Variants in HCRT observed in about 807,000 individuals in gnomAD.
The protein encoded by HCRT is hypocretin neuropeptide precursor, also known as hypocretin (orexin) neuropeptide.
Under a neutral mutation model 5.7 loss-of-function variants are expected in HCRT, and 5 were observed. The observed-to-expected ratio is 0.87, with a 90% CI of 0.45 to 1.83. The LOEUF (loss-of-function observed/expected upper bound fraction) is 1.83. Among genes scored for constraint, HCRT ranks in the 40% most tolerant of loss-of-function variants. The pLI, the probability that HCRT is intolerant of heterozygous loss-of-function variation, is 0.02. For synonymous variants in HCRT, 114 were observed against 99.0 expected, an observed-to-expected ratio of 1.15 and a Z score of -0.90; for missense variants, 207 against 191.8, an observed-to-expected ratio of 1.08 and a Z score of -0.47.
In HCRT at chr17:42,184,554, G is replaced by A. The variant is rs993387604; in HGVS notation, c.22-26C>T. On this transcript the variant is annotated intron_variant, in intron 1 of 1. Transcript: ENST00000293330. ...CTAGGGAGACGGAGACAGGGCGCTG[G>A]GGGGGTCTTCCCACGGCGCCCGCCA... 4.7e-6 allele frequency: 7 copies of A among 1,497,810 alleles called. No individual in the cohort carries two copies. The African/African-American group carries it at 1.0e-4, about 21-fold the overall frequency. 92.8% of individuals were successfully genotyped at this position (1,497,810 alleles called of 1,614,324 possible).
In HCRT at chr17:42,184,271, G is replaced by A. The variant is rs1448945578; in HGVS notation, c.279C>T (p.Gly93=). 2 of 1,430,014 alleles carry A rather than the reference G, an allele frequency of 1.4e-6. No homozygotes were observed. The highest frequency in any genetic ancestry group is 2.9e-5 in the East Asian group (1 of 33,976). The allele number at this position is 1,430,014 out of a possible 1,614,324, so 88.6% of individuals were successfully genotyped here. A position where few individuals can be genotyped will look rare whatever the true frequency, so the allele number is the denominator to read the frequency against. ...CTGCGCGGCGGCCCATGGTCAGGAT[G>A]CCCGCGGCGTGGTTGCCGCTGGCCT... is the stretch of plus-strand genomic sequence containing the variant. ...LLQASGNHAA[G]ILTMGRRAGA... is the part of the protein sequence containing the mutation. The change falls in exon 2 of 2, where the codon GGC becomes GGT. Residue 93 remains glycine, a synonymous_variant. Transcript: ENST00000293330.
rs574542591 is a variant in HCRT at position 42,184,516 on chromosome 17, C to A, written c.34G>T (p.Ala12Ser). 229 of 1,550,356 alleles carry A rather than the reference C, an allele frequency of 1.5e-4. 1 individual carries two copies. The South Asian group carries it at 2.6e-3, about 18-fold the overall frequency. ...NLPSTKVSWA[A>S]VTLLLLLLLL... Reference sequence around the variant, plus strand: ...AGCAGCAGCAGCAGTAGCGTCACGGCGGCCCAGGAGACCTAGGGAGACGGA... The same window carrying A: ...AGCAGCAGCAGCAGTAGCGTCACGGAGGCCCAGGAGACCTAGGGAGACGGA... The change falls in exon 2 of 2, where the codon GCC (alanine) becomes TCC (serine). Residue 12 changes from alanine (A) to serine (S), a missense_variant. Physicochemically the swap from Ala to Ser is moderately conservative, Grantham distance 99 (BLOSUM62 1). Coordinates refer to ENST00000293330, the MANE Select transcript of HCRT (RefSeq NM_001524.1).
chr17:42,184,198 G>C lies in HCRT; in HGVS notation c.352C>G (p.Pro118Ala). 7.8e-7 allele frequency: 1 copy of C among 1,288,518 alleles called. No homozygotes were observed. The highest frequency in any genetic ancestry group is 9.8e-7 in the Non-Finnish European group (1 of 1,020,066). The allele number at this position is 1,288,518 out of a possible 1,614,324, so 79.8% of individuals were successfully genotyped here. Residue 118 changes from proline (P) to alanine (A), a missense_variant, in exon 2 of 2, where the codon CCG (proline) becomes GCG (alanine). Physicochemically the swap from Pro to Ala is conservative, Grantham distance 27. Transcript: ENST00000293330. ...RPCLGRRCSA[P>A]AAASVAPGGQ... Reference sequence around the variant, plus strand: ...CCGGGCGCGACGGAGGCGGCGGCCGGGGCGGAACAGCGGCGCCCGAGGCAG... The same window carrying C: ...CCGGGCGCGACGGAGGCGGCGGCCGCGGCGGAACAGCGGCGCCCGAGGCAG...
chr17:42,185,312 T>C lies in HCRT; in HGVS notation c.21+33A>G, dbSNP rs933355220. Reference sequence around the variant, plus strand: ...AAGCACTCTTTTTGCTTCTCTGGGATGGTGAGTCACCCCTCCATCCCTGGA... The same window carrying C: ...AAGCACTCTTTTTGCTTCTCTGGGACGGTGAGTCACCCCTCCATCCCTGGA... On this transcript the variant is annotated intron_variant, in intron 1 of 1. Coordinates refer to ENST00000293330, the MANE Select transcript of HCRT (RefSeq NM_001524.1). The C allele has an allele frequency of 3.7e-6, 6 of 1,607,440 alleles. No individual in the cohort carries two copies. The African/African-American group carries it at 5.4e-5, about 14-fold the overall frequency.
At chr17:42,185,272 T>A in intron 1 of HCRT, 73 bp downstream of exon 1, 1 of 1,463,696 alleles carries the variant, frequency 6.8e-7, no homozygotes, top group Non-Finnish European at 9.6e-7. Context: ...TGGCCTTTCT[T>A]CCAGCCCTCT....
rs775918962 is a variant in HCRT at position 42,184,213 on chromosome 17, G to T, written c.337C>A (p.Arg113Ser). 10 of 1,303,114 alleles carry T rather than the reference G, an allele frequency of 7.7e-6. No individual in the cohort carries two copies. The highest frequency in any genetic ancestry group is 9.7e-6 in the Non-Finnish European group (10 of 1,029,136). The allele number at this position is 1,303,114 out of a possible 1,614,324, so 80.7% of individuals were successfully genotyped here. ...GCGGCGGCCGGGGCGGAACAGCGGC[G>T]CCCGAGGCAGGGGCGCGGCGCTGGC... Reference protein sequence around the residue: ...AEPAPRPCLGRRCSAPAAASV... With the variant: ...AEPAPRPCLGSRCSAPAAASV... Residue 113 changes from arginine to serine, a missense_variant, in exon 2 of 2, where the codon CGC (arginine) becomes AGC (serine). Arg to Ser is a moderately radical substitution (Grantham distance 110). Coordinates refer to ENST00000293330, the MANE Select transcript of HCRT (RefSeq NM_001524.1).
chr17:42,184,297 G>C lies in HCRT; in HGVS notation c.253C>G (p.Gln85Glu), dbSNP rs1333099442. 6.6e-7 allele frequency: 1 copy of C among 1,510,046 alleles called. No individual in the cohort carries two copies. The highest frequency in any genetic ancestry group is 2.1e-5 in the Admixed American group (1 of 48,766). The allele number at this position is 1,510,046 out of a possible 1,614,324, so 93.5% of individuals were successfully genotyped here. The change falls in exon 2 of 2, where the codon CAG (glutamine) becomes GAG (glutamate). Residue 85 changes from glutamine to glutamate, a missense_variant. By Grantham distance (29) the Gln-to-Glu change is conservative. Transcript: ENST00000293330. ...GLQGRLQRLL[Q>E]ASGNHAAGIL... The stretch of plus-strand genomic sequence containing the variant: ...CCCGCGGCGTGGTTGCCGCTGGCCT[G>C]CAGGAGGCGCTGCAGCCGACCCTGG...
At position 42,184,177 on chromosome 17, in the gene HCRT, G is replaced by A; in HGVS notation, c.373C>T (p.Pro125Ser). Residue 125 changes from proline to serine, a missense_variant, in exon 2 of 2, where the codon CCC becomes TCC. Transcript: ENST00000293330. ...CSAPAAASVA[P>S]GGQSGI The stretch of plus-strand genomic sequence containing the variant: ...ACTCAGATCCCGGACTGTCCTCCGG[G>A]CGCGACGGAGGCGGCGGCCGGGGCG... The A allele has an allele frequency of 7.8e-7, 1 of 1,284,834 alleles. No individual in the cohort carries two copies. The highest frequency in any genetic ancestry group is 1.5e-5 in the African/African-American group (1 of 64,566). 79.6% of individuals were successfully genotyped at this position (1,284,834 alleles called of 1,614,324 possible).
Position 42,185,377 on chromosome 17 carries a change from C to T in HCRT, c.-12G>A. The T allele has an allele frequency of 1.9e-6, 3 of 1,614,006 alleles. No homozygotes were observed. Among genetic ancestry groups the T allele is most frequent in the Non-Finnish European group, 2.5e-6 (3 of 1,179,882 alleles). ...GAAGGAAGGTTCATGGTGTCTGGCG[C>T]TCAGGGTGGGGTAGCCGGGAAAGGA... On this transcript the variant is annotated 5_prime_UTR_variant, in exon 1 of 2. Coordinates refer to ENST00000293330, the MANE Select transcript of HCRT (RefSeq NM_001524.1).
intron 1 of HCRT, 127 bp from the exon 2 acceptor site, chr17:42,184,655 T>C: frequency 1.5e-6 from 2 of 1,344,050 alleles, no homozygotes; most frequent in South Asian, 3.2e-5. Flanking sequence ...GGCTGTCACT[T>C]AGTTCTCCTT....
intron 1 of HCRT, among the ~76,000 whole-genome samples, 193 bp downstream of exon 1, chr17:42,185,152 G>T (rs1175324681): frequency 1.3e-5 from 2 of 152,224 alleles, no homozygotes; most frequent in Non-Finnish European, 2.9e-5. Context: ...GACACATAGA[G>T]CTCAGCAAAC....
In HCRT at chr17:42,184,195, C is replaced by G. The variant is rs1317549628; in HGVS notation, c.355G>C (p.Ala119Pro). The G allele has an allele frequency of 7.8e-7, 1 of 1,282,250 alleles. No homozygotes were observed. Among genetic ancestry groups the G allele is most frequent in the South Asian group, 3.1e-5 (1 of 32,416 alleles). 79.4% of individuals were successfully genotyped at this position (1,282,250 alleles called of 1,614,324 possible). A position where few individuals can be genotyped will look rare whatever the true frequency, so the allele number is the denominator to read the frequency against. ...PCLGRRCSAP[A>P]AASVAPGGQS... ...CCTCCGGGCGCGACGGAGGCGGCGG[C>G]CGGGGCGGAACAGCGGCGCCCGAGG... The change falls in exon 2 of 2, where the codon GCC becomes CCC. Residue 119 changes from alanine to proline, a missense_variant. Ala to Pro is a conservative substitution (Grantham distance 27). Transcript: ENST00000293330.
Position 42,185,385 on chromosome 17 carries a change from G to T in HCRT, c.-20C>A, listed in dbSNP as rs4796777. On this transcript the variant is annotated 5_prime_UTR_variant, in exon 1 of 2. Transcript: ENST00000293330. ...GTTCATGGTGTCTGGCGCTCAGGGT[G>T]GGGTAGCCGGGAAAGGAGATGTCTG... 4,533 of 1,613,694 alleles carry T rather than the reference G, an allele frequency of 2.8e-3. 20 individuals are homozygous for T. Among genetic ancestry groups the T allele is most frequent in the Admixed American group, 0.018 (1,076 of 60,020 alleles).
At position 42,184,539 on chromosome 17, in the gene HCRT, GGA is replaced by G. The variant is rs1567646191; in HGVS notation, c.22-13_22-12del. On this transcript the variant is annotated splice_polypyrimidine_tract_variant and intron_variant, in intron 1 of 1. Transcript: ENST00000293330. ...GGCGGCCCAGGAGACCTAGGGAGACGGAGACAGGGCGCTGGGGGGGTCTTCCC... is the reference window on the plus strand; with the variant it reads ...GGCGGCCCAGGAGACCTAGGGAGACGGACAGGGCGCTGGGGGGGTCTTCCC... 6 of 1,518,330 alleles carry G rather than the reference GGA, an allele frequency of 4.0e-6. No individual in the cohort carries two copies. 94.1% of individuals were successfully genotyped at this position (1,518,330 alleles called of 1,614,324 possible). A position where few individuals can be genotyped will look rare whatever the true frequency, so the allele number is the denominator to read the frequency against.
At chr17:42,185,202 C>CA (rs1194472306) in intron 1 of HCRT, 143 bp downstream of exon 1, 1 of 773,456 alleles carries the variant, frequency 1.3e-6, no homozygotes, top group Non-Finnish European at 2.3e-6. Flanking sequence ...CAATGTGAGC[C>CA]AAGGCAGGTG....
chr17:42,185,220 C>G, intron 1 of HCRT, 125 bp downstream of exon 1: 1 of 915,882 alleles, frequency 1.1e-6, no homozygotes, highest in South Asian at 1.4e-5. Flanking sequence ...GTGCTCCTGC[C>G]TCAGAGCACA....
rs1250472148 is a variant in HCRT at position 42,184,175 on chromosome 17, G to T, written c.375C>A (p.Pro125=). 2 of 1,284,408 alleles carry T rather than the reference G, an allele frequency of 1.6e-6. No homozygotes were observed. The highest frequency in any genetic ancestry group is 3.1e-5 in the East Asian group (1 of 31,896). The allele number at this position is 1,284,408 out of a possible 1,614,324, so 79.6% of individuals were successfully genotyped here. A position where few individuals can be genotyped will look rare whatever the true frequency, so the allele number is the denominator to read the frequency against. Reference sequence around the variant, plus strand: ...CGACTCAGATCCCGGACTGTCCTCCGGGCGCGACGGAGGCGGCGGCCGGGG... The same window carrying T: ...CGACTCAGATCCCGGACTGTCCTCCTGGCGCGACGGAGGCGGCGGCCGGGG... ...CSAPAAASVA[P]GGQSGI is the part of the protein sequence containing the mutation. The change falls in exon 2 of 2, where the codon CCC becomes CCA. Residue 125 remains proline, a synonymous_variant. Transcript: ENST00000293330.
In HCRT at chr17:42,184,375, G is replaced by T. The variant is rs2079923196; in HGVS notation, c.175C>A (p.His59Asn). 6.3e-7 allele frequency: 1 copy of T among 1,597,054 alleles called. No homozygotes were observed. The highest frequency in any genetic ancestry group is 8.5e-7 in the Non-Finnish European group (1 of 1,176,038). Residue 59 changes from histidine (H) to asparagine (N), a missense_variant, in exon 2 of 2, where the codon CAC (histidine) becomes AAC (asparagine). By Grantham distance (68) the His-to-Asn change is moderately conservative. Coordinates refer to ENST00000293330, the MANE Select transcript of HCRT (RefSeq NM_001524.1). ...CCCAGCGTGAGGATGCCGGCCGCGT[G>T]ATTGCCCGCGCCGTGCAGCAGCTCG... is the stretch of plus-strand genomic sequence containing the variant. ...LYELLHGAGN[H>N]AAGILTLGKR...
chr17:42,185,308 G>A (rs1245900892), intron 1 of HCRT, 37 bp downstream of exon 1: 1 of 1,603,562 alleles, frequency 6.2e-7, no homozygotes, highest in African/African-American at 1.3e-5. Context: ...TTGCTTCTCT[G>A]GGATGGTGAG....
Sources: gnomAD v4.1 joint callset for allele counts (sites outside exome capture counted in the v4.1 genomes callset) on GRCh38, gnomAD v4.1.1 for gene constraint, MANE v1.5 for transcripts, NCBI Gene and HGNC (gene_info 2026-07-23, HGNC 2026-07-21) for gene names.